VWC2: variants seen among roughly 807,000 people sequenced by gnomAD.
VWC2 encodes the protein von Willebrand factor C domain containing 2.
In VWC2, 14 loss-of-function variants were observed where a neutral mutation model predicts 29.8. That is an observed-to-expected ratio of 0.47 (90% CI 0.31 to 0.74). The LOEUF is 0.74. Among genes scored for constraint, VWC2 ranks in the 30% least tolerant of loss-of-function variants. The probability of loss-of-function intolerance (pLI) is 0.05; values close to 1 mark genes in which losing one functional copy is unlikely to be tolerated. For missense variants in VWC2, 457 were observed against 459.8 expected (o/e 0.99, Z 0.05); for synonymous variants, 213 against 199.0 (o/e 1.07, Z -0.59).
chr7:49,776,079 A>G lies in VWC2; in HGVS notation c.644A>G (p.Lys215Arg). ...SQCCPQCKER[K>R]NYCEFRGKTY... ...TGCTGCCCGCAGTGCAAGGAGAGGAAGAACTACTGCGAGTTCCGGGGCAAG... is the reference window on the plus strand; with the variant it reads ...TGCTGCCCGCAGTGCAAGGAGAGGAGGAACTACTGCGAGTTCCGGGGCAAG... Residue 215 changes from lysine (K) to arginine (R), a missense_variant, in exon 2 of 4, where the codon AAG becomes AGG. Physicochemically the swap from Lys to Arg is conservative, Grantham distance 26. This residue lies in a region of VWC2 where 185 missense variants were observed against 257.1 expected (regional missense o/e 0.72). Coordinates refer to ENST00000340652, the MANE Select transcript of VWC2 (RefSeq NM_198570.5). 6.4e-7 allele frequency: 1 copy of G among 1,554,794 alleles called. No homozygotes were observed. Among genetic ancestry groups the G allele is most frequent in the Non-Finnish European group, 8.6e-7 (1 of 1,156,170 alleles).
At chr7:49,833,782 G>A (rs1381164857) in intron 3 of VWC2, among the ~76,000 whole-genome samples, 3 of 152,128 alleles carry the variant, frequency 2.0e-5, no homozygotes, top group Non-Finnish European at 4.4e-5. Context: ...GCTTGAACCA[G>A]ACAAGAGTTG....
intron 3 of VWC2, among the ~76,000 whole-genome samples, chr7:49,854,003 T>C (rs890874000): frequency 1.3e-5 from 2 of 151,970 alleles, no homozygotes; most frequent in African/African-American, 4.8e-5. Flanking sequence ...CTGAGAATGA[T>C]GGTTTCCAGC....
At position 49,775,414 on chromosome 7, in the gene VWC2, G is replaced by T. The variant is rs1421199181; in HGVS notation, c.-22G>T. On this transcript the variant is annotated 5_prime_UTR_variant, in exon 2 of 4. Coordinates refer to ENST00000340652, the MANE Select transcript of VWC2 (RefSeq NM_198570.5). ...CCTCGGCCGCGCTCCCCGCCCGCCC[G>T]CCCGCCGGGACGTGGTAGGGGATGC... 3 of 868,702 alleles carry T rather than the reference G, an allele frequency of 3.5e-6. No homozygotes were observed. The highest frequency in any genetic ancestry group is 3.0e-6 in the Non-Finnish European group (2 of 666,748). 53.8% of individuals were successfully genotyped at this position (868,702 alleles called of 1,614,324 possible).
intron 3 of VWC2, among the ~76,000 whole-genome samples, chr7:49,874,158 G>T (rs932030286): frequency 1.3e-5 from 2 of 151,902 alleles, no homozygotes; most frequent in African/African-American, 4.9e-5. Flanking sequence ...TTGAAAAAGT[G>T]AAACTATATA....
intron 3 of VWC2, among the ~76,000 whole-genome samples, chr7:49,839,819 T>C (rs904498399): frequency 8.5e-5 from 13 of 152,190 alleles, no homozygotes; most frequent in Admixed American, 6.5e-4. Context: ...GAGAACCACA[T>C]GTTTCAAATC....
intron 3 of VWC2, among the ~76,000 whole-genome samples, chr7:49,826,178 T>C (rs1789387431): frequency 6.6e-6 from 1 of 152,200 alleles, no homozygotes; most frequent in African/African-American, 2.4e-5. Context: ...TTCCAATAAT[T>C]ATTCCTTCTG....
chr7:49,777,864 T>C (rs1788085081), intron 2 of VWC2, among the ~76,000 whole-genome samples: 1 of 152,146 alleles, frequency 6.6e-6, no homozygotes, highest in Non-Finnish European at 1.5e-5. Context: ...AGCAGGGTCA[T>C]AGAACACTAG....
rs578226333 is a variant in VWC2, at chr7:49,874,642, T to G, written c.827-37392T>G. 1.2e-4 allele frequency among the ~76,000 whole-genome samples: 18 copies of G among 152,172 alleles called. No homozygotes were observed. The East Asian group carries it at 2.1e-3, about 18-fold the overall frequency. On this transcript the variant is annotated intron_variant, in intron 3 of 3. Transcript: ENST00000340652. ...GTTTAGGTGACAGGATTGGGGGTAT[T>G]TATGTTCTTCCTTTTTCTTTTCTGG...
chr7:49,789,314 G>A (rs916030963), intron 2 of VWC2, among the ~76,000 whole-genome samples: 2 of 90,090 alleles, frequency 2.2e-5, no homozygotes, highest in African/African-American at 8.8e-5. Context: ...TGTGAGTGTG[G>A]GTGTAGGTGT....
chr7:49,908,876 G>C (rs1025546986), intron 3 of VWC2, among the ~76,000 whole-genome samples: 2 of 152,148 alleles, frequency 1.3e-5, no homozygotes, highest in African/African-American at 2.4e-5. Flanking sequence ...TCAATGTGTT[G>C]CAAAAGAATG....
chr7:49,844,919 G>A (rs1215145565), intron 3 of VWC2, among the ~76,000 whole-genome samples: 3 of 152,116 alleles, frequency 2.0e-5, no homozygotes, highest in Non-Finnish European at 2.9e-5. Flanking sequence ...CTGACCCCAG[G>A]TGATCTGCCC....
At chr7:49,890,373 CAG>C (rs1792076419) in intron 3 of VWC2, among the ~76,000 whole-genome samples, 1 of 152,114 alleles carries the variant, frequency 6.6e-6, no homozygotes, top group Non-Finnish European at 1.5e-5. Flanking sequence ...TGTTCAAAAA[CAG>C]GGATTTACAA....
chr7:49,816,020 G>A (rs1789134389), intron 3 of VWC2, among the ~76,000 whole-genome samples: 1 of 152,158 alleles, frequency 6.6e-6, no homozygotes. Flanking sequence ...GTGGGTCATG[G>A]AATGGGAGAA....
chr7:49,877,962 C>A (rs1027980334), intron 3 of VWC2, among the ~76,000 whole-genome samples: 7 of 152,164 alleles, frequency 4.6e-5, no homozygotes, highest in African/African-American at 1.2e-4. Flanking sequence ...AGTGCCATAT[C>A]ATTTGGGTTA....
chr7:49,795,013 T>C (rs1292265287), intron 2 of VWC2, among the ~76,000 whole-genome samples: 1 of 152,200 alleles, frequency 6.6e-6, no homozygotes, highest in African/African-American at 2.4e-5. Flanking sequence ...TTATGTCTCA[T>C]CTCCCTAACC....
At chr7:49,867,903 G>A (rs182453600) in intron 3 of VWC2, among the ~76,000 whole-genome samples, 14 of 151,286 alleles carry the variant, frequency 9.3e-5, no homozygotes, top group African/African-American at 3.2e-4. Context: ...GTGCAATCTC[G>A]GCTCACTGCA....
At chr7:49,820,030 C>T (rs545031549) in intron 3 of VWC2, among the ~76,000 whole-genome samples, 26 of 151,230 alleles carry the variant, frequency 1.7e-4, no homozygotes, top group Non-Finnish European at 3.2e-4. Context: ...GATTTTAATC[C>T]TTTCTAAATA....
At chr7:49,872,931 A>AAAG (rs1403656361) in intron 3 of VWC2, among the ~76,000 whole-genome samples, 1 of 149,442 alleles carries the variant, frequency 6.7e-6, no homozygotes, top group Non-Finnish European at 1.5e-5. Context: ...AAAAAAAAAA[A>AAAG]AAAAAAGAAA....
chr7:49,802,864 C>A (rs367919999), intron 3 of VWC2, 24 bp downstream of exon 3: 1 of 1,613,758 alleles, frequency 6.2e-7, no homozygotes, highest in Admixed American at 1.7e-5. Flanking sequence ...CCGTTGGTGA[C>A]GGGGTGCACC....
Sources: allele counts gnomAD v4.1 joint callset (sites outside exome capture counted in the v4.1 genomes callset), GRCh38; gene constraint gnomAD v4.1.1; regional missense constraint gnomAD v4.1.1; transcripts MANE v1.5; gene names NCBI Gene and HGNC (gene_info 2026-07-23, HGNC 2026-07-21).